SLC4A4: variants seen among roughly 807,000 people sequenced by gnomAD.
SLC4A4 encodes electrogenic sodium bicarbonate cotransporter 1.
SLC4A4 carries 27 observed loss-of-function variants against 111.5 expected under a neutral mutation model. The ratio of observed to expected loss-of-function variants is 0.24; its 90% CI spans 0.18 to 0.33. The LOEUF is 0.33. Ranked by LOEUF, SLC4A4 falls within the 10% of genes least tolerant of loss-of-function variation. The pLI, the probability that SLC4A4 is intolerant of heterozygous loss-of-function variation, is 1.00. For synonymous variants in SLC4A4, 443 were observed against 463.4 expected, an observed-to-expected ratio of 0.96 and a Z score of 0.57; for missense variants, 909 against 1,315.5, an observed-to-expected ratio of 0.69 and a Z score of 4.78.
intron 8 of SLC4A4, among the ~76,000 whole-genome samples, chr4:71,443,882 G>T (rs536862868): frequency 1.3e-5 from 2 of 152,280 alleles, no homozygotes; most frequent in Admixed American, 6.5e-5. Flanking sequence ...TGGAGATCCT[G>T]CTAGTTCAAT....
At chr4:71,469,034 A>G (rs1560535673) in intron 13 of SLC4A4, among the ~76,000 whole-genome samples, 2 of 152,036 alleles carry the variant, frequency 1.3e-5, no homozygotes, top group African/African-American at 2.4e-5. Flanking sequence ...TATGAATGAT[A>G]TGCTGCCATC....
intron 3 of SLC4A4, among the ~76,000 whole-genome samples, chr4:71,281,464 T>A (rs936693123): frequency 1.3e-5 from 2 of 152,146 alleles, no homozygotes; most frequent in African/African-American, 4.8e-5. Context: ...GGGAAACTAG[T>A]ATGAGCCCCG....
At chr4:71,423,032 A>C (rs556178171) in intron 7 of SLC4A4, among the ~76,000 whole-genome samples, 3 of 152,298 alleles carry the variant, frequency 2.0e-5, no homozygotes, top group Middle Eastern at 3.4e-3. Context: ...CTATTAGGAA[A>C]AGAGGAAGTC....
intron 21 of SLC4A4, among the ~76,000 whole-genome samples, chr4:71,557,496 C>T (rs1403561212): frequency 2.0e-5 from 3 of 151,882 alleles, no homozygotes; most frequent in Non-Finnish European, 4.4e-5. Flanking sequence ...TTTTCTTATA[C>T]ATCTACATAA....
intron 3 of SLC4A4, among the ~76,000 whole-genome samples, chr4:71,274,642 G>T (rs578068455): frequency 1.1e-4 from 16 of 152,260 alleles, no homozygotes; most frequent in Admixed American, 9.8e-4. Context: ...TGAGAGAGAT[G>T]AGGGTGATCC....
At chr4:71,132,333 A>G (rs149342375) in intron 2 of SLC4A4, among the ~76,000 whole-genome samples, 1 of 152,278 alleles carries the variant, frequency 6.6e-6, no homozygotes, top group Non-Finnish European at 1.5e-5. Context: ...ATATCAGCTA[A>G]CGGCATGTCT....
chr4:71,451,250 G>A lies in SLC4A4; in HGVS notation c.1271G>A (p.Gly424Asp), dbSNP rs148635969. 1.2e-3 allele frequency: 1,890 copies of A among 1,613,648 alleles called. 16 individuals are homozygous for A. In the Admixed American group the frequency reaches 0.013, roughly 11 times the overall value. ...AATGGGGATACGCCCCATGATGGAG[G>A]TCACGGAGGAGGAGGACATGGGGAT... ...QMNGDTPHDG[G>D]HGGGGHGDCE... The change falls in exon 11 of 26, where the codon GGT becomes GAT. Residue 424 changes from glycine to aspartate, a missense_variant. Around this residue, in one of 7 missense-constraint regions of SLC4A4, gnomAD observed 312 missense variants for 402.0 expected, o/e 0.78. Coordinates refer to ENST00000264485, the MANE Select transcript of SLC4A4 (RefSeq NM_001098484.3).
intron 2 of SLC4A4, among the ~76,000 whole-genome samples, chr4:71,152,234 C>G (rs1744329616): frequency 6.6e-6 from 1 of 152,072 alleles, no homozygotes; most frequent in Admixed American, 6.6e-5. Context: ...AACCATTATT[C>G]TAAATTTTGT....
chr4:71,383,609 G>A (rs1718375362), intron 6 of SLC4A4, among the ~76,000 whole-genome samples: 1 of 152,168 alleles, frequency 6.6e-6, no homozygotes, highest in Admixed American at 6.5e-5. Context: ...AGGATCTTGA[G>A]TTCAGAGGGA....
intron 3 of SLC4A4, among the ~76,000 whole-genome samples, chr4:71,321,867 A>G (rs1346461654): frequency 6.6e-6 from 1 of 151,994 alleles, no homozygotes; most frequent in Non-Finnish European, 1.5e-5. Flanking sequence ...CACAAGGCAA[A>G]TGAAGCATTA....
At chr4:71,379,168 C>T (rs1219503255) in intron 6 of SLC4A4, among the ~76,000 whole-genome samples, 1 of 152,174 alleles carries the variant, frequency 6.6e-6, no homozygotes, top group Non-Finnish European at 1.5e-5. Flanking sequence ...ACTCCCTCTG[C>T]TCAAAAACCT....
chr4:71,374,408 T>G (rs2148938063), intron 6 of SLC4A4, among the ~76,000 whole-genome samples: 1 of 152,326 alleles, frequency 6.6e-6, no homozygotes, highest in Non-Finnish European at 1.5e-5. Context: ...AATAAAATCT[T>G]TCAGCAACCT....
intron 12 of SLC4A4, among the ~76,000 whole-genome samples, chr4:71,454,421 G>A (rs1025216741): frequency 2.0e-4 from 30 of 152,134 alleles, no homozygotes; most frequent in Middle Eastern, 3.2e-3. Flanking sequence ...TGATGAATAC[G>A]AGTAGTGAAT....
chr4:71,353,026 A>G (rs905316757), intron 5 of SLC4A4, among the ~76,000 whole-genome samples: 5 of 152,196 alleles, frequency 3.3e-5, no homozygotes, highest in African/African-American at 1.2e-4. Flanking sequence ...TCAGCAACTA[A>G]CTGACCGTTT....
chr4:71,384,565 C>T (rs1279443017), intron 6 of SLC4A4, among the ~76,000 whole-genome samples: 1 of 150,842 alleles, frequency 6.6e-6, no homozygotes, highest in African/African-American at 2.4e-5. Flanking sequence ...GGGCTTGAAC[C>T]CAGGAGGTTG....
At chr4:71,387,868 T>C (rs909702375) in intron 6 of SLC4A4, among the ~76,000 whole-genome samples, 2 of 152,164 alleles carry the variant, frequency 1.3e-5, no homozygotes, top group Admixed American at 6.5e-5. Context: ...AATTTTCCTA[T>C]GTCTTGGAGC....
intron 22 of SLC4A4, 26 bp downstream of exon 22, chr4:71,557,911 C>A: frequency 6.4e-7 from 1 of 1,559,820 alleles, no homozygotes; most frequent in South Asian, 1.1e-5. Context: ...ATTGAACGTA[C>A]CTGTGAGATT....
rs541134699 is a variant in SLC4A4, at chr4:71,397,753, C to T, written c.807+100C>T. ...TGATGGTTGCTTCACTTAAAATGGA[C>T]CTTTACGTGCAGACAACAGTTTGCA... On this transcript the variant is annotated intron_variant, in intron 7 of 25. Transcript: ENST00000264485. 99 of 1,019,680 alleles carry T rather than the reference C, an allele frequency of 9.7e-5. No homozygotes were observed. In the South Asian group the frequency reaches 1.2e-3, roughly 13 times the overall value. The allele number at this position is 1,019,680 out of a possible 1,614,324, so 63.2% of individuals were successfully genotyped here. A position where few individuals can be genotyped will look rare whatever the true frequency, so the allele number is the denominator to read the frequency against.
At chr4:71,466,976 A>AGAGAGAGG (rs1727420796) in intron 13 of SLC4A4, among the ~76,000 whole-genome samples, 4 of 142,230 alleles carry the variant, frequency 2.8e-5, no homozygotes, top group Non-Finnish European at 6.0e-5. Context: ...GGAGAGAGAG[A>AGAGAGAGG]GAGGTCTGAG....
Sources: gnomAD v4.1 joint callset for allele counts (sites outside exome capture counted in the v4.1 genomes callset) on GRCh38, gnomAD v4.1.1 for gene constraint, gnomAD v4.1.1 regional missense constraint, MANE v1.5 for transcripts, NCBI Gene and HGNC (gene_info 2026-07-23, HGNC 2026-07-21) for gene names.